STIL: variants seen among roughly 807,000 people sequenced by gnomAD.
STIL encodes STIL centriolar assembly protein, also known as SCL-interrupting locus protein.
A neutral mutation model predicts 110.1 loss-of-function variants in STIL; 55 were observed. The ratio of observed to expected loss-of-function variants is 0.50; its 90% CI spans 0.40 to 0.63. The LOEUF is 0.63. Among genes scored for constraint, STIL ranks in the 20% least tolerant of loss-of-function variants. STIL has a pLI of 0.00. For synonymous variants in STIL, 481 were observed against 530.0 expected (o/e 0.91, Z 1.27); for missense variants, 1,358 against 1,530.0 (o/e 0.89, Z 1.87).
At chr1:47,290,242 A>G (rs1645441008) in intron 8 of STIL, among the ~76,000 whole-genome samples, 1 of 152,224 alleles carries the variant, frequency 6.6e-6, no homozygotes, top group African/African-American at 2.4e-5. Context: ...CACGATATGA[A>G]AAAGATTAAT....
chr1:47,274,185 A>G (rs941604784), intron 12 of STIL, among the ~76,000 whole-genome samples: 1 of 152,228 alleles, frequency 6.6e-6, no homozygotes, highest in Non-Finnish European at 1.5e-5. Context: ...TGAAGTGTAG[A>G]GAAATCACAT....
chr1:47,292,030 T>G (rs1172323461), intron 8 of STIL, among the ~76,000 whole-genome samples: 3 of 125,620 alleles, frequency 2.4e-5, no homozygotes, highest in South Asian at 4.5e-4. Context: ...TTGTTTTTTG[T>G]TTTTTTTTTT....
chr1:47,292,526 A>T (rs3125627), intron 8 of STIL, among the ~76,000 whole-genome samples: 152,298 of 152,350 alleles, frequency 1, 76,123 homozygotes, highest in Middle Eastern at 1. Flanking sequence ...ATGTATTATA[A>T]ACTCTTCAGT....
intron 7 of STIL, 151 bp downstream of exon 7, chr1:47,295,614 T>C: frequency 1.6e-6 from 1 of 614,014 alleles, no homozygotes; most frequent in Non-Finnish European, 2.9e-6. Context: ...TTTTAGCTGA[T>C]TCTACTAGTA....
intron 8 of STIL, among the ~76,000 whole-genome samples, chr1:47,289,877 G>C (rs957228730): frequency 7.0e-6 from 1 of 143,574 alleles, no homozygotes; most frequent in Non-Finnish European, 1.5e-5. Flanking sequence ...GGCGGAGCTT[G>C]TAATGAGCCA....
chr1:47,299,962 G>C lies in STIL; in HGVS notation c.644C>G (p.Ala215Gly), dbSNP rs1645754968. Reference protein sequence around the residue: ...KPIPIIPTALARNLSSNLNIS... With the variant: ...KPIPIIPTALGRNLSSNLNIS... ...ATTCAGATTACTGCTCAAGTTTCTT[G>C]CCAGAGCTGTTGGAATAATGGGGAT... is the stretch of plus-strand genomic sequence containing the variant. The change falls in exon 6 of 17, where the codon GCA becomes GGA. Residue 215 changes from alanine to glycine, a missense_variant. Ala to Gly is a moderately conservative substitution (Grantham distance 60). Coordinates refer to ENST00000371877, the MANE Select transcript of STIL (RefSeq NM_001048166.1). 1.2e-6 allele frequency: 2 copies of C among 1,613,906 alleles called. No individual in the cohort carries two copies. The highest frequency in any genetic ancestry group is 2.7e-5 in the African/African-American group (2 of 74,870).
intron 6 of STIL, among the ~76,000 whole-genome samples, chr1:47,296,606 C>T (rs1446685965): frequency 1.3e-5 from 2 of 151,930 alleles, no homozygotes; most frequent in African/African-American, 4.8e-5. Flanking sequence ...GAGTTCGAGA[C>T]CAGCATGGCC....
chr1:47,298,143 A>G (rs1448390549), intron 6 of STIL, among the ~76,000 whole-genome samples: 1 of 152,162 alleles, frequency 6.6e-6, no homozygotes, highest in Non-Finnish European at 1.5e-5. Flanking sequence ...CTGAAGAGGT[A>G]TTTTTAGAGA....
chr1:47,280,649 G>A lies in STIL; in HGVS notation c.1809C>T (p.Cys603=). 2 of 1,614,218 alleles carry A rather than the reference G, an allele frequency of 1.2e-6. No homozygotes were observed. The highest frequency in any genetic ancestry group is 1.7e-6 in the Non-Finnish European group (2 of 1,180,050). ...TATGACTATGATGCTGACAACACCT[G>A]CAAACGTTTGTGGAACAGTAAGATG... ...PLPSYCSTNV[C]RCCQHHSHIQ... Residue 603 remains cysteine, a synonymous_variant, in exon 12 of 17, where the codon TGC becomes TGT. Coordinates refer to ENST00000371877, the MANE Select transcript of STIL (RefSeq NM_001048166.1).
intron 3 of STIL, among the ~76,000 whole-genome samples, chr1:47,304,318 C>A (rs1278643407): frequency 6.6e-6 from 1 of 151,894 alleles, no homozygotes; most frequent in Non-Finnish European, 1.5e-5. Flanking sequence ...TGCACCCAGC[C>A]CAGTTATAGC....
chr1:47,268,172 C>T (rs1308312152), intron 14 of STIL, among the ~76,000 whole-genome samples: 1 of 152,214 alleles, frequency 6.6e-6, no homozygotes, highest in Non-Finnish European at 1.5e-5. Context: ...CTCGCCATCT[C>T]ACAGTGGCTC....
rs745872187 is a variant in STIL, at chr1:47,280,936, G to C, written c.1522C>G (p.Pro508Ala). Residue 508 changes from proline (P) to alanine (A), a missense_variant, in exon 12 of 17, where the codon CCA (proline) becomes GCA (alanine). Physicochemically the swap from Pro to Ala is conservative, Grantham distance 27 (BLOSUM62 -1). Coordinates refer to ENST00000371877, the MANE Select transcript of STIL (RefSeq NM_001048166.1). ...GGGTTCCCTTTCTTATAGGCAGGTG[G>C]CTGTCTTACTTTGCAGTGTCTCAAA... ...ALLRHCKVRQPPAYKKGNPHT... is the reference protein window; with the variant it reads ...ALLRHCKVRQAPAYKKGNPHT... 6.2e-7 allele frequency: 1 copy of C among 1,613,964 alleles called. No individual in the cohort carries two copies. Among genetic ancestry groups the C allele is most frequent in the South Asian group, 1.1e-5 (1 of 91,076 alleles).
chr1:47,272,352 G>A, intron 12 of STIL, 111 bp from the exon 13 acceptor site: 2 of 1,132,610 alleles, frequency 1.8e-6, no homozygotes, highest in Non-Finnish European at 2.6e-6. Context: ...TGACTTTTAA[G>A]TCTATTTTCT....
At position 47,310,858 on chromosome 1, in the gene STIL, CT is replaced by C. The variant is rs923034581; in HGVS notation, c.-43-497del. Among the ~76,000 whole-genome samples the C allele has an allele frequency of 3.8e-3, 580 of 151,460 alleles. 3 individuals are homozygous for C. Among genetic ancestry groups the C allele is most frequent in the African/African-American group, 0.013 (552 of 41,340 alleles). On this transcript the variant is annotated intron_variant, in intron 1 of 16. Transcript: ENST00000371877. ...CTTGTGTCAGTGAAAAATCAGTGTT[CT>C]TTTTTTTTGAGATGGAGTCTTGTTC...
At chr1:47,273,438 A>G (rs1046562734) in intron 12 of STIL, among the ~76,000 whole-genome samples, 2 of 152,236 alleles carry the variant, frequency 1.3e-5, no homozygotes, top group Non-Finnish European at 2.9e-5. Flanking sequence ...GACATTTCAT[A>G]TAAACAGTAC....
rs1466709039 is a variant in STIL, at chr1:47,280,415, T to G, written c.2043A>C (p.Glu681Asp). 2 of 1,614,062 alleles carry G rather than the reference T, an allele frequency of 1.2e-6. No homozygotes were observed. Among genetic ancestry groups the G allele is most frequent in the Non-Finnish European group, 1.7e-6 (2 of 1,180,040 alleles). ...MGSCSPHSNI[E>D]PSPVARPPSH... Reference sequence around the variant, plus strand: ...AAGGCGGTCTTGCCACAGGCGATGGTTCAATATTGCTGTGGGGAGAACAAC... The same window carrying G: ...AAGGCGGTCTTGCCACAGGCGATGGGTCAATATTGCTGTGGGGAGAACAAC... The change falls in exon 12 of 17, where the codon GAA (glutamate) becomes GAC (aspartate). Residue 681 changes from glutamate (E) to aspartate (D), a missense_variant. By Grantham distance (45) the Glu-to-Asp change is conservative (BLOSUM62 2). Coordinates refer to ENST00000371877, the MANE Select transcript of STIL (RefSeq NM_001048166.1).
upstream of STIL, among the ~76,000 whole-genome samples, chr1:47,314,827 C>A (rs904315269): frequency 6.6e-6 from 1 of 151,454 alleles, no homozygotes; most frequent in African/African-American, 2.4e-5. Flanking sequence ...CGAGTTCAAG[C>A]GATTCTCCTG....
rs187940990 is a variant in STIL at position 47,257,499 on chromosome 1, C to T, written c.3080+2790G>A. On this transcript the variant is annotated intron_variant, in intron 16 of 16. Transcript: ENST00000371877. ...ACAGGCCTGGGTGACAGAGCAAGATCCTATTTTTAAAAACTAAAAAAAAGT... is the reference window on the plus strand; with the variant it reads ...ACAGGCCTGGGTGACAGAGCAAGATTCTATTTTTAAAAACTAAAAAAAAGT... Among the ~76,000 whole-genome samples the T allele has an allele frequency of 2.9e-3, 437 of 152,134 alleles. 2 individuals are homozygous for T. The highest frequency in any genetic ancestry group is 9.9e-3 in the African/African-American group (412 of 41,490).
At chr1:47,303,083 A>G (rs1017028120) in intron 3 of STIL, among the ~76,000 whole-genome samples, 14 of 152,236 alleles carry the variant, frequency 9.2e-5, no homozygotes, top group African/African-American at 3.4e-4. Flanking sequence ...CTACGAAAAA[A>G]GACCAGGCAA....
Sources: gnomAD v4.1 joint callset for allele counts (sites outside exome capture counted in the v4.1 genomes callset) on GRCh38, gnomAD v4.1.1 for gene constraint, MANE v1.5 for transcripts, NCBI Gene and HGNC (gene_info 2026-07-23, HGNC 2026-07-21) for gene names.